The following CSMD1 variants were observed in gnomAD, a reference collection of about 807,000 sequenced individuals.
CSMD1 encodes the protein CUB and Sushi multiple domains 1, also known as CUB and sushi domain-containing protein 1.
A neutral mutation model predicts 417.5 loss-of-function variants in CSMD1; 213 were observed. The ratio of observed to expected loss-of-function variants is 0.51; its 90% CI spans 0.46 to 0.57. The LOEUF is 0.57. CSMD1 is among the 20% of genes least tolerant of loss of function. The pLI, the probability that CSMD1 is intolerant of heterozygous loss-of-function variation, is 0.00. For synonymous variants in CSMD1, 2,862 were observed against 1,736.8 expected (o/e 1.65, Z -16.11); for missense variants, 6,923 against 4,529.7 (o/e 1.53, Z -15.17).
chr8:3,607,730 G>C (rs1403969564), intron 8 of CSMD1, among the ~76,000 whole-genome samples: 2 of 152,302 alleles, frequency 1.3e-5, no homozygotes, highest in South Asian at 4.1e-4. Flanking sequence ...TTCCATATCA[G>C]TCGGTTTTGC....
chr8:3,954,838 G>T (rs539595622), intron 5 of CSMD1, among the ~76,000 whole-genome samples: 1 of 152,304 alleles, frequency 6.6e-6, no homozygotes, highest in East Asian at 1.9e-4. Context: ...AGTGTGGCAG[G>T]GAGTTACATG....
At chr8:2,981,378 C>A (rs1805410329) in intron 54 of CSMD1, among the ~76,000 whole-genome samples, 1 of 152,184 alleles carries the variant, frequency 6.6e-6, no homozygotes, top group Non-Finnish European at 1.5e-5. Flanking sequence ...GGAGAAATGG[C>A]CAGTGAAGTT....
chr8:3,588,405 G>A (rs1800697290), intron 8 of CSMD1, among the ~76,000 whole-genome samples: 1 of 152,102 alleles, frequency 6.6e-6, no homozygotes, highest in Non-Finnish European at 1.5e-5. Flanking sequence ...GAATTTCAGT[G>A]TGGCCACTTC....
intron 1 of CSMD1, among the ~76,000 whole-genome samples, chr8:4,656,718 A>T (rs1276184399): frequency 2.0e-5 from 3 of 151,878 alleles, no homozygotes; most frequent in Non-Finnish European, 4.4e-5. Flanking sequence ...TGGGACACTC[A>T]CTCCAGAACA....
At chr8:4,692,558 C>T (rs563774058) in intron 1 of CSMD1, among the ~76,000 whole-genome samples, 56 of 152,112 alleles carry the variant, frequency 3.7e-4, no homozygotes, top group African/African-American at 1.2e-3. Flanking sequence ...TGAAGAGGGC[C>T]GGGAAGACTG....
chr8:4,191,357 C>G lies in CSMD1; in HGVS notation c.416-159258G>C, dbSNP rs1039589992. 3.3e-5 allele frequency among the ~76,000 whole-genome samples: 5 copies of G among 152,084 alleles called. No homozygotes were observed. The South Asian group carries it at 6.2e-4, about 19-fold the overall frequency. Reference sequence around the variant, plus strand: ...CCTGCAGTGAGCAGAGATCGCGCCACTGCACTCCAGCCTGGGCAACAGAGC... The same window carrying G: ...CCTGCAGTGAGCAGAGATCGCGCCAGTGCACTCCAGCCTGGGCAACAGAGC... On this transcript the variant is annotated intron_variant, in intron 3 of 69. Transcript: ENST00000635120.
At chr8:4,917,892 T>C (rs984073653) in intron 1 of CSMD1, among the ~76,000 whole-genome samples, 1 of 152,148 alleles carries the variant, frequency 6.6e-6, no homozygotes, top group African/African-American at 2.4e-5. Flanking sequence ...CTAGGTACGA[T>C]TCAAAACAGG....
intron 1 of CSMD1, among the ~76,000 whole-genome samples, chr8:4,922,495 T>A (rs1806564380): frequency 6.6e-6 from 1 of 152,226 alleles, no homozygotes; most frequent in African/African-American, 2.4e-5. Flanking sequence ...CTTCCTACCT[T>A]AAAATTTGAC....
At chr8:3,484,200 G>C (rs1376019607) in intron 11 of CSMD1, among the ~76,000 whole-genome samples, 1 of 152,162 alleles carries the variant, frequency 6.6e-6, no homozygotes. Context: ...AACAGTTATA[G>C]TAATTAGTAA....
At chr8:3,797,055 G>T (rs886492994) in intron 5 of CSMD1, among the ~76,000 whole-genome samples, 15 of 151,796 alleles carry the variant, frequency 9.9e-5, no homozygotes, top group Non-Finnish European at 2.1e-4. Flanking sequence ...ACGTGGTAGG[G>T]CAATGTATCA....
intron 26 of CSMD1, among the ~76,000 whole-genome samples, chr8:3,254,307 A>AT (rs745978299): frequency 2.6e-5 from 4 of 151,672 alleles, no homozygotes; most frequent in Non-Finnish European, 4.4e-5. Flanking sequence ...TGCCCTTAAC[A>AT]TTTTTTCCTT....
At chr8:4,930,361 A>C (rs1807164801) in intron 1 of CSMD1, among the ~76,000 whole-genome samples, 1 of 152,120 alleles carries the variant, frequency 6.6e-6, no homozygotes, top group South Asian at 2.1e-4. Flanking sequence ...TTTCATTCAT[A>C]GGTGCGCGCA....
At chr8:3,345,381 G>C (rs185528780) in intron 22 of CSMD1, among the ~76,000 whole-genome samples, 1 of 151,974 alleles carries the variant, frequency 6.6e-6, no homozygotes, top group Admixed American at 6.6e-5. Context: ...ATCAGCACTG[G>C]GTCCAACCAC....
intron 1 of CSMD1, among the ~76,000 whole-genome samples, chr8:4,912,214 A>G (rs1805735733): frequency 6.6e-6 from 1 of 151,856 alleles, no homozygotes; most frequent in Non-Finnish European, 1.5e-5. Flanking sequence ...TTACTGAGCT[A>G]GGTGGAGACC....
At chr8:4,646,714 C>T (rs1452558879) in intron 1 of CSMD1, among the ~76,000 whole-genome samples, 1 of 152,110 alleles carries the variant, frequency 6.6e-6, no homozygotes, top group Non-Finnish European at 1.5e-5. Context: ...GTAGAGTTCA[C>T]CTCCAAAGAG....
chr8:4,475,283 G>C (rs759941424), intron 2 of CSMD1, among the ~76,000 whole-genome samples: 1 of 152,040 alleles, frequency 6.6e-6, no homozygotes, highest in Non-Finnish European at 1.5e-5. Context: ...ATCCATAATA[G>C]TTTGAAATCT....
intron 2 of CSMD1, among the ~76,000 whole-genome samples, chr8:4,436,185 A>G (rs1003062796): frequency 1.3e-5 from 2 of 152,188 alleles, no homozygotes; most frequent in Non-Finnish European, 2.9e-5. Flanking sequence ...CTCATCTTAC[A>G]GACACTGGCT....
chr8:4,731,355 A>C (rs1434109180), intron 1 of CSMD1, among the ~76,000 whole-genome samples: 1 of 152,144 alleles, frequency 6.6e-6, no homozygotes, highest in Non-Finnish European at 1.5e-5. Context: ...CCATTCAGGG[A>C]CTGGAGCAAG....
At chr8:4,050,202 TG>T (rs1033831441) in intron 3 of CSMD1, among the ~76,000 whole-genome samples, 2 of 152,094 alleles carry the variant, frequency 1.3e-5, no homozygotes, top group African/African-American at 4.8e-5. Flanking sequence ...CTTGATCACT[TG>T]GCTAGGGTCG....
Sources: gnomAD v4.1 joint callset for allele counts (sites outside exome capture counted in the v4.1 genomes callset) on GRCh38, gnomAD v4.1.1 for gene constraint, MANE v1.5 for transcripts, NCBI Gene and HGNC (gene_info 2026-07-23, HGNC 2026-07-21) for gene names.